The following SUSD5 variants were observed in gnomAD, a reference collection of about 807,000 sequenced individuals.
The protein encoded by SUSD5 is sushi domain containing 5.
A neutral mutation model predicts 29.5 loss-of-function variants in SUSD5; 33 were observed. The ratio of observed to expected loss-of-function variants is 1.12; its 90% CI spans 0.85 to 1.49. SUSD5 has a LOEUF of 1.49. Among genes scored for constraint, SUSD5 ranks in the 40% most tolerant of loss-of-function variants. The probability of loss-of-function intolerance (pLI) is 0.00; values close to 1 mark genes in which losing one functional copy is unlikely to be tolerated. For missense variants in SUSD5, 776 were observed against 800.6 expected (o/e 0.97, Z 0.37); for synonymous variants, 308 against 325.3 (o/e 0.95, Z 0.57).
chr3:33,181,791 T>C (rs1404115018), intron 3 of SUSD5, among the ~76,000 whole-genome samples: 7 of 152,240 alleles, frequency 4.6e-5, no homozygotes, highest in Non-Finnish European at 8.8e-5. Context: ...AGTAACACAC[T>C]GTACAGGTTT....
intron 3 of SUSD5, among the ~76,000 whole-genome samples, chr3:33,206,701 T>C (rs1036065426): frequency 3.3e-5 from 5 of 152,282 alleles, no homozygotes; most frequent in Admixed American, 2.0e-4. Context: ...AAGGATTTGG[T>C]GCCTCTGGGA....
At chr3:33,218,476 C>G (rs1290467587) in intron 1 of SUSD5, among the ~76,000 whole-genome samples, 1 of 152,190 alleles carries the variant, frequency 6.6e-6, no homozygotes, top group Non-Finnish European at 1.5e-5. Context: ...AGGGTCCAGG[C>G]ACCAGGCGGG....
rs775598009 is a variant in SUSD5 at position 33,153,280 on chromosome 3, G to A, written c.1352C>T (p.Pro451Leu). Reference sequence around the variant, plus strand: ...GCCCTCAGTCTCGGAAGCATTCACGGGTCTGAGCGCCAAAGCTTCCACATC... The same window carrying A: ...GCCCTCAGTCTCGGAAGCATTCACGAGTCTGAGCGCCAAAGCTTCCACATC... ...MLDVEALALR[P>L]VNASETEGIG... Residue 451 changes from proline (P) to leucine (L), a missense_variant, in exon 5 of 5, where the codon CCC (proline) becomes CTC (leucine). Pro to Leu is a moderately conservative substitution (Grantham distance 98). Transcript: ENST00000309558. 41 of 1,613,798 alleles carry A rather than the reference G, an allele frequency of 2.5e-5. No individual in the cohort carries two copies. Among genetic ancestry groups the A allele is most frequent in the Non-Finnish European group, 3.3e-5 (39 of 1,179,894 alleles).
At chr3:33,169,574 A>G (rs1482753708) in intron 4 of SUSD5, among the ~76,000 whole-genome samples, 1 of 152,174 alleles carries the variant, frequency 6.6e-6, no homozygotes, top group Non-Finnish European at 1.5e-5. Context: ...AACCCAATAG[A>G]GTTGTTGAAA....
chr3:33,186,661 G>A (rs1019039463), intron 3 of SUSD5, among the ~76,000 whole-genome samples: 43 of 152,058 alleles, frequency 2.8e-4, no homozygotes, highest in Non-Finnish European at 3.4e-4. Context: ...TCTTGACCTC[G>A]TGACCTGCCC....
intron 4 of SUSD5, among the ~76,000 whole-genome samples, chr3:33,174,363 T>C (rs2031499546): frequency 6.6e-6 from 1 of 152,088 alleles, no homozygotes. Flanking sequence ...CCATGCCCCA[T>C]AAGAGTCTGA....
At chr3:33,212,306 G>A (rs2032337126) in intron 2 of SUSD5, among the ~76,000 whole-genome samples, 7 of 152,148 alleles carry the variant, frequency 4.6e-5, no homozygotes, top group Admixed American at 3.9e-4. Flanking sequence ...GGAAGCCAGA[G>A]GACTGCCTGA....
chr3:33,155,037 G>A (rs2031018693), intron 4 of SUSD5, among the ~76,000 whole-genome samples: 1 of 152,206 alleles, frequency 6.6e-6, no homozygotes, highest in Non-Finnish European at 1.5e-5. Flanking sequence ...CTATAAAACT[G>A]CATTACCTTT....
chr3:33,199,214 TCACACACACACACACACACACA>T (rs35522769), intron 3 of SUSD5, among the ~76,000 whole-genome samples: 2 of 147,886 alleles, frequency 1.4e-5, no homozygotes, highest in Non-Finnish European at 3.0e-5. Flanking sequence ...GGGGAGAATT[TCACACACACACACACACACACA>T]CACACACACA....
In SUSD5 at chr3:33,152,831, A is replaced by G. The variant is rs746485934; in HGVS notation, c.1801T>C (p.Cys601Arg). Residue 601 changes from cysteine to arginine, a missense_variant, in exon 5 of 5, where the codon TGC (cysteine) becomes CGC (arginine). Physicochemically the swap from Cys to Arg is radical, Grantham distance 180. Transcript: ENST00000309558. ...TTGTACACAGAGCTCTTGTGCTGGC[A>G]CTTGCGGTAGCCCCACACCATCCCC... The part of the protein sequence containing the change: ...GVGMVWGYRK[C>R]QHKSSVYKLN... 8 of 1,614,002 alleles carry G rather than the reference A, an allele frequency of 5.0e-6. No individual in the cohort carries two copies. Among genetic ancestry groups the G allele is most frequent in the Non-Finnish European group, 6.8e-6 (8 of 1,179,890 alleles).
intron 4 of SUSD5, among the ~76,000 whole-genome samples, chr3:33,154,694 A>C (rs979918398): frequency 2.6e-5 from 4 of 152,230 alleles, no homozygotes; most frequent in Admixed American, 2.6e-4. Context: ...AAAAAAACCA[A>C]ACACATAGGA....
chr3:33,182,914 G>C (rs1171343328), intron 3 of SUSD5, among the ~76,000 whole-genome samples: 1 of 151,988 alleles, frequency 6.6e-6, no homozygotes, highest in Non-Finnish European at 1.5e-5. Context: ...AGCCTCCTGA[G>C]TAGCTGGGAC....
At chr3:33,215,698 A>G (rs1230103723) in intron 1 of SUSD5, among the ~76,000 whole-genome samples, 2 of 152,212 alleles carry the variant, frequency 1.3e-5, no homozygotes, top group South Asian at 2.1e-4. Flanking sequence ...CTGCCTCTCA[A>G]TAACAAAGCA....
intron 3 of SUSD5, among the ~76,000 whole-genome samples, chr3:33,195,295 G>A (rs1011435184): frequency 1.3e-5 from 2 of 152,116 alleles, no homozygotes; most frequent in Admixed American, 6.5e-5. Flanking sequence ...TTTGAAATGC[G>A]AACTCTTTTC....
chr3:33,194,061 C>T (rs1450261185), intron 3 of SUSD5, among the ~76,000 whole-genome samples: 4 of 152,154 alleles, frequency 2.6e-5, no homozygotes, highest in African/African-American at 9.7e-5. Context: ...TGAGATATTT[C>T]TCAGACTCTG....
intron 3 of SUSD5, among the ~76,000 whole-genome samples, chr3:33,183,783 T>G (rs1013813083): frequency 6.6e-6 from 1 of 152,040 alleles, no homozygotes; most frequent in Non-Finnish European, 1.5e-5. Flanking sequence ...GCAAGACAGG[T>G]CTACTGGCCA....
chr3:33,200,437 T>C (rs1453343810), intron 3 of SUSD5, among the ~76,000 whole-genome samples: 1 of 152,074 alleles, frequency 6.6e-6, no homozygotes, highest in Admixed American at 6.5e-5. Context: ...GCTAGAAAAG[T>C]TTTGAGGTGC....
intron 3 of SUSD5, chr3:33,190,224 C>G: frequency 6.4e-6 from 1 of 157,064 alleles, no homozygotes. Context: ...AAGCAATGGC[C>G]AATTAGTACT....
At chr3:33,191,247 A>G (rs1309373479) in intron 3 of SUSD5, among the ~76,000 whole-genome samples, 2 of 151,666 alleles carry the variant, frequency 1.3e-5, no homozygotes, top group East Asian at 3.9e-4. Flanking sequence ...CTCCAGCCTC[A>G]GCCTCCCAAG....
Sources: allele counts gnomAD v4.1 joint callset (sites outside exome capture counted in the v4.1 genomes callset), GRCh38; gene constraint gnomAD v4.1.1; transcripts MANE v1.5; gene names NCBI Gene and HGNC (gene_info 2026-07-23, HGNC 2026-07-21).